Variants in TMEM117 observed in about 807,000 individuals in gnomAD.
The protein encoded by TMEM117 is transmembrane protein 117.
A neutral mutation model predicts 52.4 loss-of-function variants in TMEM117; 27 were observed. The observed-to-expected ratio is 0.51, with a 90% CI of 0.38 to 0.71. The LOEUF (loss-of-function observed/expected upper bound fraction) is 0.71. Ranked by LOEUF, TMEM117 falls within the 30% of genes least tolerant of loss-of-function variation. TMEM117 has a pLI of 0.00. For missense variants in TMEM117, 556 were observed against 630.5 expected (o/e 0.88, Z 1.26); for synonymous variants, 215 against 206.3 (o/e 1.04, Z -0.36).
At chr12:44,127,769 G>A (rs1948350322) in intron 3 of TMEM117, among the ~76,000 whole-genome samples, 1 of 152,084 alleles carries the variant, frequency 6.6e-6, no homozygotes, top group Admixed American at 6.5e-5. Flanking sequence ...AAAAATTGAT[G>A]TTTCCCAGAG....
At chr12:43,837,769 A>G (rs1046133604) in intron 1 of TMEM117, among the ~76,000 whole-genome samples, 1 of 152,220 alleles carries the variant, frequency 6.6e-6, no homozygotes, top group Non-Finnish European at 1.5e-5. Context: ...ATTTCAATGG[A>G]GAGTTTTCTC....
chr12:43,905,082 G>A (rs1944363232), intron 2 of TMEM117, among the ~76,000 whole-genome samples: 2 of 152,090 alleles, frequency 1.3e-5, no homozygotes, highest in Admixed American at 1.3e-4. Context: ...GGCGGAGGTT[G>A]CGGTGAGCCA....
At chr12:44,291,597 C>A (rs1025179281) in intron 5 of TMEM117, among the ~76,000 whole-genome samples, 3 of 151,756 alleles carry the variant, frequency 2.0e-5, no homozygotes, top group African/African-American at 7.3e-5. Context: ...AAGCTTTCAT[C>A]TTTTCATTGT....
chr12:44,040,047 G>A (rs2137893414), intron 3 of TMEM117, among the ~76,000 whole-genome samples: 1 of 152,256 alleles, frequency 6.6e-6, no homozygotes, highest in African/African-American at 2.4e-5. Flanking sequence ...GGGAGAAGCA[G>A]AACAACTTGT....
chr12:44,350,124 GTAAT>G (rs1371544784), intron 6 of TMEM117, among the ~76,000 whole-genome samples: 2 of 151,968 alleles, frequency 1.3e-5, no homozygotes, highest in Non-Finnish European at 2.9e-5. Context: ...TCTTTCAGAA[GTAAT>G]TAATTTCTGG....
At chr12:43,917,017 T>TAAAACCA (rs200685308) in intron 2 of TMEM117, among the ~76,000 whole-genome samples, 1,596 of 152,288 alleles carry the variant, frequency 0.01, 27 homozygotes, top group East Asian at 0.041. Flanking sequence ...TAACCATTTA[T>TAAAACCA]TTACGGCCTC....
chr12:43,871,326 A>T (rs1046339134), intron 2 of TMEM117, among the ~76,000 whole-genome samples: 1 of 150,742 alleles, frequency 6.6e-6, no homozygotes, highest in East Asian at 1.9e-4. Context: ...CTGGTCTTAA[A>T]CTCCTGACCT....
At chr12:44,245,736 G>A (rs1950121411) in intron 5 of TMEM117, among the ~76,000 whole-genome samples, 1 of 151,904 alleles carries the variant, frequency 6.6e-6, no homozygotes, top group Non-Finnish European at 1.5e-5. Context: ...CTAACAAAAT[G>A]CTGCTGAGAA....
intron 3 of TMEM117, among the ~76,000 whole-genome samples, chr12:43,965,973 G>A (rs1945478967): frequency 6.6e-6 from 1 of 152,204 alleles, no homozygotes; most frequent in African/African-American, 2.4e-5. Flanking sequence ...TCAATGTTTA[G>A]CTCCCACTTA....
At chr12:44,249,358 A>G (rs138141683) in intron 5 of TMEM117, among the ~76,000 whole-genome samples, 246 of 152,326 alleles carry the variant, frequency 1.6e-3, no homozygotes, top group African/African-American at 5.7e-3. Flanking sequence ...TATGGTCAAG[A>G]TTTTGAGAGG....
At chr12:43,797,513 A>C in the TMEM117 span, 1 of 1,424,636 alleles carries the variant, frequency 7.0e-7, no homozygotes, top group South Asian at 1.4e-5. Context: ...AAGTTAAAAC[A>C]TATAATAAAA....
intron 6 of TMEM117, among the ~76,000 whole-genome samples, chr12:44,324,502 CA>C (rs1354976882): frequency 6.6e-6 from 1 of 151,790 alleles, no homozygotes; most frequent in Non-Finnish European, 1.5e-5. Context: ...ATGTTGAGTT[CA>C]GGGTACTACA....
intron 6 of TMEM117, among the ~76,000 whole-genome samples, chr12:44,323,419 T>C (rs566329929): frequency 6.6e-6 from 1 of 151,572 alleles, no homozygotes; most frequent in East Asian, 1.9e-4. Flanking sequence ...TGCTCTTTTT[T>C]TATTATTATT....
At chr12:43,952,439 G>A (rs1945239525) in intron 3 of TMEM117, among the ~76,000 whole-genome samples, 1 of 151,982 alleles carries the variant, frequency 6.6e-6, no homozygotes. Flanking sequence ...GTCTGTAGAG[G>A]AACATAAATG....
chr12:44,330,316 G>A (rs1173992359), intron 6 of TMEM117, among the ~76,000 whole-genome samples: 1 of 151,890 alleles, frequency 6.6e-6, no homozygotes, highest in East Asian at 1.9e-4. Context: ...ATTTGGGGCT[G>A]TTCCTCCTAA....
chr12:44,369,603 G>A (rs890575891), intron 6 of TMEM117, among the ~76,000 whole-genome samples: 3 of 152,096 alleles, frequency 2.0e-5, no homozygotes, highest in South Asian at 4.1e-4. Flanking sequence ...TAAATTGCTT[G>A]AGCAACAACA....
intron 5 of TMEM117, among the ~76,000 whole-genome samples, chr12:44,297,252 T>G (rs1469298395): frequency 6.6e-6 from 1 of 152,206 alleles, no homozygotes; most frequent in Non-Finnish European, 1.5e-5. Flanking sequence ...AGTTTACATT[T>G]TTAGACCTAT....
At chr12:43,826,593 T>G in the TMEM117 span, among the ~76,000 whole-genome samples, 3 of 152,320 alleles carry the variant, frequency 2.0e-5, no homozygotes, top group South Asian at 6.2e-4. Flanking sequence ...GGCTAGCTAT[T>G]GTAAATTGGG....
At chr12:44,313,641 G>GA (rs1444908023) in intron 6 of TMEM117, among the ~76,000 whole-genome samples, 61 of 152,228 alleles carry the variant, frequency 4.0e-4, no homozygotes, top group Middle Eastern at 3.4e-3. Context: ...ATAATTCTGT[G>GA]AAAAAAGACA....
Sources: gnomAD v4.1 joint callset for allele counts (sites outside exome capture counted in the v4.1 genomes callset) on GRCh38, gnomAD v4.1.1 for gene constraint, MANE v1.5 for transcripts, NCBI Gene and HGNC (gene_info 2026-07-23, HGNC 2026-07-21) for gene names.